The following ERCC2 variants were observed in gnomAD, a reference collection of about 807,000 sequenced individuals.
ERCC2 encodes general transcription and DNA repair factor IIH helicase subunit XPD.
ERCC2 carries 90 observed loss-of-function variants against 99.4 expected under a neutral mutation model. That is an observed-to-expected ratio of 0.91 (90% CI 0.76 to 1.08). ERCC2 has a LOEUF of 1.08. ERCC2 is among the 50% of genes least tolerant of loss of function. ERCC2 has a pLI of 0.00. For missense variants in ERCC2, 993 were observed against 1,038.1 expected (o/e 0.96, Z 0.60); for synonymous variants, 497 against 432.4 (o/e 1.15, Z -1.85).
In ERCC2 at chr19:45,353,075, CCA is replaced by C; in HGVS notation, c.1831+6_1831+7del. ...GACACCTGGGGAGGAAGAGCCCAGTCCACTCACCAAAGTCGATTCCCTCGGAC... is the reference window on the plus strand; with the variant it reads ...GACACCTGGGGAGGAAGAGCCCAGTCCTCACCAAAGTCGATTCCCTCGGAC... On this transcript the variant is annotated splice_donor_region_variant and intron_variant, in intron 19 of 22. Transcript: ENST00000391945. 6.2e-7 allele frequency: 1 copy of C among 1,611,718 alleles called. No individual in the cohort carries two copies. Among genetic ancestry groups the C allele is most frequent in the Non-Finnish European group, 8.5e-7 (1 of 1,179,010 alleles).
intron 7 of ERCC2, 139 bp from the exon 8 acceptor site, chr19:45,364,686 G>C: frequency 7.2e-7 from 1 of 1,385,188 alleles, no homozygotes. Flanking sequence ...CAGATGGATA[G>C]AGACAGACCA....
rs763591784 is a variant in ERCC2 at position 45,357,706 on chromosome 19, A to G, written c.1238-7T>C. 16 of 1,612,870 alleles carry G rather than the reference A, an allele frequency of 9.9e-6. No homozygotes were observed. The South Asian group carries it at 1.8e-4, about 18-fold the overall frequency. On this transcript the variant is annotated splice_region_variant and splice_polypyrimidine_tract_variant and intron_variant, in intron 12 of 22. Coordinates refer to ENST00000391945, the MANE Select transcript of ERCC2 (RefSeq NM_000400.4). ...TCGATGATGATGGTGAAGCCTGCAG[A>G]GGGCAGGCAAGGAGGGGTGAGATTA...
chr19:45,357,042 AC>A (rs1415063768), intron 15 of ERCC2, among the ~76,000 whole-genome samples: 3 of 152,060 alleles, frequency 2.0e-5, no homozygotes, highest in Non-Finnish European at 2.9e-5. Context: ...CCTCTCAACC[AC>A]CCTGGGAGAT....
rs370170190 is a variant in ERCC2, at chr19:45,351,691, G to C, written c.2221C>G (p.Leu741Val). 2 of 1,613,932 alleles carry C rather than the reference G, an allele frequency of 1.2e-6. No homozygotes were observed. Among genetic ancestry groups the C allele is most frequent in the Non-Finnish European group, 1.7e-6 (2 of 1,179,996 alleles). Reference sequence around the variant, plus strand: ...GTCTCCTCTGATTCTAGCTGCTCCAGGCTGAGCAGGGACAGGCCCAGCTGA... The same window carrying C: ...GTCTCCTCTGATTCTAGCTGCTCCACGCTGAGCAGGGACAGGCCCAGCTGA... Reference protein sequence around the residue: ...EDQLGLSLLSLEQLESEETLK... With the variant: ...EDQLGLSLLSVEQLESEETLK... Residue 741 changes from leucine (L) to valine (V), a missense_variant, in exon 23 of 23, where the codon CTG becomes GTG. Transcript: ENST00000391945.
In ERCC2 at chr19:45,368,714, G is replaced by A. The variant is rs982806873; in HGVS notation, c.276C>T (p.Asn92=). The change falls in exon 5 of 23, where the codon AAC becomes AAT. Residue 92 remains asparagine, a synonymous_variant. Transcript: ENST00000391945. ...KVIEELRKLL[N]FYEKQEGEKL... ...TCTCGCCCTCCTGCTTCTCATAGAA[G>A]TTGAGCAACTTTCGAAGCTCTTCAA... is the stretch of plus-strand genomic sequence containing the variant. 1 of 1,613,914 alleles carries A rather than the reference G, an allele frequency of 6.2e-7. No homozygotes were observed. Among genetic ancestry groups the A allele is most frequent in the South Asian group, 1.1e-5 (1 of 91,048 alleles).
At chr19:45,356,563 A>G (rs1179993883) in intron 15 of ERCC2, among the ~76,000 whole-genome samples, 4 of 152,214 alleles carry the variant, frequency 2.6e-5, no homozygotes, top group African/African-American at 9.6e-5. Context: ...TAATCCCAGC[A>G]CTTCGGGAGG....
At chr19:45,367,280 A>G (rs986959371) in intron 5 of ERCC2, among the ~76,000 whole-genome samples, 3 of 151,976 alleles carry the variant, frequency 2.0e-5, no homozygotes, top group African/African-American at 7.2e-5. Flanking sequence ...GCTTGTAGTA[A>G]GCCAAGATCA....
At chr19:45,351,759 T>C (rs1568530474) in intron 22 of ERCC2, 38 bp from the exon 23 acceptor site, 2 of 1,587,798 alleles carry the variant, frequency 1.3e-6, no homozygotes. Flanking sequence ...GGGGCACTGT[T>C]GGGCAGGGGC....
At position 45,351,144 on chromosome 19, in the gene ERCC2, G is replaced by C; in HGVS notation, c.*485C>G. The C allele has an allele frequency of 6.3e-7, 1 of 1,596,932 alleles. No homozygotes were observed. Among genetic ancestry groups the C allele is most frequent in the African/African-American group, 1.3e-5 (1 of 74,664 alleles). On this transcript the variant is annotated 3_prime_UTR_variant, in exon 23 of 23. Coordinates refer to ENST00000391945, the MANE Select transcript of ERCC2 (RefSeq NM_000400.4). Reference sequence around the variant, plus strand: ...GTGGGTTGGTGTCAGAAGAGACCCAGGACAGGAGCAAAGATGGGTTTTACT... The same window carrying C: ...GTGGGTTGGTGTCAGAAGAGACCCACGACAGGAGCAAAGATGGGTTTTACT...
chr19:45,363,595 G>C lies in ERCC2; in HGVS notation c.1118+148C>G, dbSNP rs1972303146. On this transcript the variant is annotated intron_variant, in intron 11 of 22. Coordinates refer to ENST00000391945, the MANE Select transcript of ERCC2 (RefSeq NM_000400.4). ...CCAACCTTGCTCCCGGACCTCCCAGGTCAGACCAGACAAGGTCCCACGTGC... is the reference window on the plus strand; with the variant it reads ...CCAACCTTGCTCCCGGACCTCCCAGCTCAGACCAGACAAGGTCCCACGTGC... 1.1e-5 allele frequency: 10 copies of C among 951,566 alleles called. No individual in the cohort carries two copies. In the East Asian group the frequency reaches 2.7e-4, roughly 25 times the overall value. The allele number at this position is 951,566 out of a possible 1,614,324, so 58.9% of individuals were successfully genotyped here.
chr19:45,350,428 C>T lies in ERCC2; in HGVS notation c.*1201G>A, dbSNP rs375410322. On this transcript the variant is annotated 3_prime_UTR_variant, in exon 23 of 23. Coordinates refer to ENST00000391945, the MANE Select transcript of ERCC2 (RefSeq NM_000400.4). The stretch of plus-strand genomic sequence containing the variant: ...CCACAAGGAGGACCTACCCGCCCCT[C>T]TCGGTGAGCCCCTAGCCCCTGTCTG... 5.0e-6 allele frequency: 8 copies of T among 1,613,328 alleles called. No homozygotes were observed. Among genetic ancestry groups the T allele is most frequent in the African/African-American group, 1.3e-5 (1 of 74,874 alleles).
intron 22 of ERCC2, among the ~76,000 whole-genome samples, chr19:45,351,978 C>T (rs1240362465): frequency 6.6e-6 from 1 of 152,212 alleles, no homozygotes; most frequent in African/African-American, 2.4e-5. Context: ...CCAATGCCTC[C>T]TCACCCCAAC....
chr19:45,352,746 C>T lies in ERCC2; in HGVS notation c.1902G>A (p.Lys634=). The change falls in exon 20 of 23, where the codon AAG becomes AAA. Residue 634 remains lysine, a splice_region_variant and synonymous_variant. Transcript: ENST00000391945. ...PYVYTQSRIL[K]ARLEYLRDQF... ...CTCCCTGGGAGACAGAGCTACTCACCTTGAGAATGCGGCTCTGTGTGTAGA... is the reference window on the plus strand; with the variant it reads ...CTCCCTGGGAGACAGAGCTACTCACTTTGAGAATGCGGCTCTGTGTGTAGA... The T allele has an allele frequency of 6.2e-7, 1 of 1,613,992 alleles. No homozygotes were observed. Among genetic ancestry groups the T allele is most frequent in the Non-Finnish European group, 8.5e-7 (1 of 1,179,944 alleles).
Position 45,350,521 on chromosome 19 carries a change from CA to C in ERCC2, c.*1107del, listed in dbSNP as rs750327046. ...CCCCATCTTTCCCCCTAGGTGCCCC[CA>C]ACACAGGCACAGCTGGTGACGCAGA... On this transcript the variant is annotated 3_prime_UTR_variant, in exon 23 of 23. Transcript: ENST00000391945. 8.7e-6 allele frequency: 14 copies of C among 1,613,880 alleles called. No individual in the cohort carries two copies. The highest frequency in any genetic ancestry group is 3.4e-6 in the Non-Finnish European group (4 of 1,179,980).
chr19:45,370,145 C>T lies in ERCC2; in HGVS notation c.93G>A (p.Thr31=), dbSNP rs1298153160. Residue 31 remains threonine, a synonymous_variant, in exon 2 of 23, where the codon ACG becomes ACA. Transcript: ENST00000391945. ...QFSYMRELKR[T]LDAKGHGVLE... is the part of the protein sequence containing the mutation. Reference sequence around the variant, plus strand: ...ACCGGCCACCCACCTTGGCGTCCAGCGTGCGTTTGAGCTCCCGCATGTAGG... The same window carrying T: ...ACCGGCCACCCACCTTGGCGTCCAGTGTGCGTTTGAGCTCCCGCATGTAGG... 6 of 1,613,122 alleles carry T rather than the reference C, an allele frequency of 3.7e-6. No homozygotes were observed. The East Asian group carries it at 1.3e-4, about 36-fold the overall frequency.
At chr19:45,358,225 C>G (rs1005796831) in intron 12 of ERCC2, 1 of 198,556 alleles carries the variant, frequency 5.0e-6, no homozygotes, top group Admixed American at 5.3e-5. Context: ...CAGCTAATTT[C>G]TACATTTTTA....
intron 6 of ERCC2, 30 bp downstream of exon 6, chr19:45,365,012 C>T (rs762239109): frequency 1.2e-5 from 20 of 1,610,242 alleles, no homozygotes; most frequent in Non-Finnish European, 1.7e-5. Context: ...CCTGTCCTGC[C>T]TCCCTCCCTC....
chr19:45,353,341 A>G lies in ERCC2; in HGVS notation c.1666-7T>C. 1.9e-6 allele frequency: 3 copies of G among 1,609,836 alleles called. No individual in the cohort carries two copies. The highest frequency in any genetic ancestry group is 2.5e-6 in the Non-Finnish European group (3 of 1,176,788). On this transcript the variant is annotated splice_polypyrimidine_tract_variant and splice_region_variant and intron_variant, in intron 17 of 22. Coordinates refer to ENST00000391945, the MANE Select transcript of ERCC2 (RefSeq NM_000400.4). Reference sequence around the variant, plus strand: ...GGATGTTCTCAAGGATCCCCTGGGGAAGGACCCAGGGAGGTCAGGGTGGGT... The same window carrying G: ...GGATGTTCTCAAGGATCCCCTGGGGGAGGACCCAGGGAGGTCAGGGTGGGT...
chr19:45,360,421 A>G (rs1459119812), intron 12 of ERCC2, among the ~76,000 whole-genome samples: 1 of 143,964 alleles, frequency 6.9e-6, no homozygotes, highest in Non-Finnish European at 1.5e-5. Context: ...TCTGTTGCCC[A>G]GGCTGGAGTG....
Sources: gnomAD v4.1 joint callset for allele counts (sites outside exome capture counted in the v4.1 genomes callset) on GRCh38, gnomAD v4.1.1 for gene constraint, MANE v1.5 for transcripts, NCBI Gene and HGNC (gene_info 2026-07-23, HGNC 2026-07-21) for gene names.